ELSPBP1: variants seen among roughly 807,000 people sequenced by gnomAD.
ELSPBP1 encodes epididymal sperm-binding protein 1.
ELSPBP1 carries 38 observed loss-of-function variants against 33.3 expected under a neutral mutation model. The observed-to-expected ratio is 1.14, with a 90% CI of 0.88 to 1.50. ELSPBP1 has a LOEUF of 1.50. Among genes scored for constraint, ELSPBP1 ranks in the 40% most tolerant of loss-of-function variants. The pLI, the probability that ELSPBP1 is intolerant of heterozygous loss-of-function variation, is 0.00. For missense variants in ELSPBP1, 267 were observed against 263.5 expected, an observed-to-expected ratio of 1.01 and a Z score of -0.09; for synonymous variants, 85 against 94.1, an observed-to-expected ratio of 0.90 and a Z score of 0.56.
chr19:48,021,068 T>C (rs1350416054), intron 5 of ELSPBP1, among the ~76,000 whole-genome samples: 1 of 152,160 alleles, frequency 6.6e-6, no homozygotes, highest in Non-Finnish European at 1.5e-5. Flanking sequence ...TTTGTACTAT[T>C]TATGGGGTCA....
chr19:48,016,879 A>G (rs1382166840), intron 4 of ELSPBP1, among the ~76,000 whole-genome samples: 1 of 152,174 alleles, frequency 6.6e-6, no homozygotes, highest in African/African-American at 2.4e-5. Flanking sequence ...GATTACAGGC[A>G]TGAGGCACTG....
chr19:48,023,500 GAAAA>G (rs1568409581), intron 6 of ELSPBP1, among the ~76,000 whole-genome samples: 17 of 88,586 alleles, frequency 1.9e-4, no homozygotes, highest in Non-Finnish European at 5.4e-5. Flanking sequence ...GGGAGGGAAG[GAAAA>G]GAGGAAGGAA....
At chr19:48,004,276 T>TA (rs1264476171) in intron 1 of ELSPBP1, among the ~76,000 whole-genome samples, 1 of 151,976 alleles carries the variant, frequency 6.6e-6, no homozygotes, top group African/African-American at 2.4e-5. Context: ...AGGGAGGCTC[T>TA]ACAGGGTCCG....
chr19:48,004,970 G>A (rs1967002968), intron 1 of ELSPBP1, among the ~76,000 whole-genome samples: 1 of 152,196 alleles, frequency 6.6e-6, no homozygotes, highest in African/African-American at 2.4e-5. Context: ...GGCTACGCAG[G>A]AGGATGGCTT....
Position 48,011,977 on chromosome 19 carries a change from A to T in ELSPBP1, c.71-2194A>T, listed in dbSNP as rs55872037. Among the ~76,000 whole-genome samples, 25,068 of 151,450 alleles carry T rather than the reference A, an allele frequency of 0.17. 2,106 individuals are homozygous for T. The highest frequency in any genetic ancestry group is 0.23 in the South Asian group (1,091 of 4,788). ...AGTTGAGCTCTCATCCCAGGTCTAC[A>T]AAAAAAAAGCAATCAACTTTAATTA... is the stretch of plus-strand genomic sequence containing the variant. On this transcript the variant is annotated intron_variant, in intron 2 of 6. Coordinates refer to ENST00000339841, the MANE Select transcript of ELSPBP1 (RefSeq NM_022142.5). The surrounding 1 kb of genome is among the most constrained non-coding windows in gnomAD (Gnocchi z 4.5).
chr19:48,005,255 G>C (rs1214841691), intron 1 of ELSPBP1, among the ~76,000 whole-genome samples: 2 of 152,058 alleles, frequency 1.3e-5, no homozygotes, highest in South Asian at 2.1e-4. Context: ...AAAGAGCTCA[G>C]CCTTGTAGAG....
At chr19:48,015,750 C>G in intron 3 of ELSPBP1, 143 bp from the exon 4 acceptor site, 1 of 700,916 alleles carries the variant, frequency 1.4e-6, no homozygotes, top group Non-Finnish European at 2.3e-6. Context: ...ATGGCATAGG[C>G]AAATGCTTGA....
chr19:48,008,536 T>A (rs751188711), intron 1 of ELSPBP1, 115 bp from the exon 2 acceptor site: 26 of 700,334 alleles, frequency 3.7e-5, no homozygotes, highest in Non-Finnish European at 6.1e-5. Flanking sequence ...GCCTGGTCTA[T>A]TTTTTAAATT....
At chr19:47,996,575 G>A (rs989559881) in intron 1 of ELSPBP1, among the ~76,000 whole-genome samples, 3 of 151,864 alleles carry the variant, frequency 2.0e-5, no homozygotes, top group African/African-American at 7.3e-5. Flanking sequence ...TATGGATGAT[G>A]GAAGAAGATA....
At chr19:48,017,865 C>G (rs1967158159) in intron 4 of ELSPBP1, among the ~76,000 whole-genome samples, 2 of 133,584 alleles carry the variant, frequency 1.5e-5, no homozygotes, top group Admixed American at 1.8e-4. Context: ...TCATGGCATT[C>G]CAGCCTGGGC....
At chr19:48,007,075 C>G (rs567995437) in intron 1 of ELSPBP1, among the ~76,000 whole-genome samples, 2 of 152,252 alleles carry the variant, frequency 1.3e-5, no homozygotes, top group East Asian at 1.9e-4. Flanking sequence ...TTGGTTCCAT[C>G]TGATGCCTTC....
At chr19:48,023,562 AGGAAGGGAAGGAAGGGAGG>A (rs1967236241) in intron 6 of ELSPBP1, among the ~76,000 whole-genome samples, 1 of 87,162 alleles carries the variant, frequency 1.1e-5, no homozygotes, top group South Asian at 4.9e-4. Context: ...GGGAAGGGAA[AGGAAGGGAAGGAAGGGAGG>A]GAGGAAGGAA....
chr19:47,995,894 G>A (rs564180255), intron 1 of ELSPBP1, among the ~76,000 whole-genome samples: 17 of 152,226 alleles, frequency 1.1e-4, no homozygotes, highest in Admixed American at 3.9e-4. Context: ...TCTTCTCACC[G>A]CTCCACTGTG....
In ELSPBP1 at chr19:47,999,431, C is replaced by G. The variant is rs1394594566; in HGVS notation, c.-18+4620C>G. On this transcript the variant is annotated intron_variant, in intron 1 of 6. Coordinates refer to ENST00000339841, the MANE Select transcript of ELSPBP1 (RefSeq NM_022142.5). ...TGAGAAAGAGTCTCGCTCTGCCACC[C>G]AGGCTGGAATGCAGTGGTGTGATCT... Among the ~76,000 whole-genome samples the G allele has an allele frequency of 2.0e-5, 3 of 150,858 alleles. No individual in the cohort carries two copies. The East Asian group carries it at 5.8e-4, about 29-fold the overall frequency.
In ELSPBP1 at chr19:48,011,099, A is replaced by G. The variant is rs1478263556; in HGVS notation, c.70+2362A>G. On this transcript the variant is annotated intron_variant, in intron 2 of 6. Transcript: ENST00000339841. The surrounding 1 kb of genome is among the most constrained non-coding windows in gnomAD (Gnocchi z 4.5). The stretch of plus-strand genomic sequence containing the variant: ...GGTAATGATGACAACAATAATAGCG[A>G]CAATGACAATGATGATGGTGACAGT... Among the ~76,000 whole-genome samples the G allele has an allele frequency of 1.3e-5, 2 of 152,056 alleles. No individual in the cohort carries two copies. The highest frequency in any genetic ancestry group is 2.9e-5 in the Non-Finnish European group (2 of 68,016).
intron 3 of ELSPBP1, among the ~76,000 whole-genome samples, chr19:48,014,649 T>C: frequency 6.6e-6 from 1 of 151,618 alleles, no homozygotes; most frequent in Non-Finnish European, 1.5e-5. Flanking sequence ...ATTGTGCACA[T>C]GTACCCTAAA....
In ELSPBP1 at chr19:48,009,699, G is replaced by T. The variant is rs35528703; in HGVS notation, c.70+962G>T. Among the ~76,000 whole-genome samples the T allele has an allele frequency of 6.3e-4, 96 of 152,070 alleles. 1 individual carries two copies. The highest frequency in any genetic ancestry group is 1.1e-3 in the Admixed American group (17 of 15,274). On this transcript the variant is annotated intron_variant, in intron 2 of 6. Transcript: ENST00000339841. ...AGAGTCCATGAAAACTGGAATTTAC[G>T]TTTTAAAAAAAGTGTGTATTTATGA...
In ELSPBP1 at chr19:48,008,082, C is replaced by T. The variant is rs998937362; in HGVS notation, c.-17-569C>T. ...GTGAGCATCATAGAGTGTACTCACA[C>T]GAACCTAGATGGTAGTGCCTGCTAC... On this transcript the variant is annotated intron_variant, in intron 1 of 6. Coordinates refer to ENST00000339841, the MANE Select transcript of ELSPBP1 (RefSeq NM_022142.5). Among the ~76,000 whole-genome samples the T allele has an allele frequency of 8.6e-4, 131 of 152,100 alleles. 3 individuals carry two copies. The highest frequency in any genetic ancestry group is 8.4e-3 in the Admixed American group (128 of 15,264).
chr19:47,998,507 C>T (rs113357300), intron 1 of ELSPBP1, among the ~76,000 whole-genome samples: 6,787 of 152,068 alleles, frequency 0.045, 477 homozygotes, highest in African/African-American at 0.16. Context: ...TGGCAGAGTC[C>T]GGGGCGCGGT....
Sources: gnomAD v4.1 joint callset for allele counts (sites outside exome capture counted in the v4.1 genomes callset) on GRCh38, gnomAD v4.1.1 for gene constraint, Gnocchi (gnomAD v3.1) non-coding constraint, MANE v1.5 for transcripts, NCBI Gene and HGNC (gene_info 2026-07-23, HGNC 2026-07-21) for gene names.